The following COL4A4 variants were observed in gnomAD, a reference collection of about 807,000 sequenced individuals.
COL4A4 encodes collagen alpha-4(IV) chain.
COL4A4 carries 105 observed loss-of-function variants against 192.9 expected under a neutral mutation model. The ratio of observed to expected loss-of-function variants is 0.54; its 90% CI spans 0.46 to 0.64. The LOEUF (loss-of-function observed/expected upper bound fraction) is 0.64, where lower values mean the gene tolerates loss of function less well. COL4A4 is among the 30% of genes least tolerant of loss of function. The pLI is 0.00. For synonymous variants in COL4A4, 762 were observed against 769.9 expected (o/e 0.99, Z 0.17); for missense variants, 1,967 against 2,169.3 (o/e 0.91, Z 1.85).
At chr2:227,114,559 G>T (rs770759060) in intron 8 of COL4A4, 69 bp downstream of exon 8, 2 of 1,195,802 alleles carry the variant, frequency 1.7e-6, no homozygotes, top group South Asian at 1.2e-5. Flanking sequence ...TCCTGTCTGA[G>T]TATTTCCTGC....
At chr2:227,115,456 T>C (rs187211599) in intron 7 of COL4A4, among the ~76,000 whole-genome samples, 5,169 of 151,778 alleles carry the variant, frequency 0.034, 286 homozygotes, top group African/African-American at 0.12. Context: ...TATTTTTTAG[T>C]AGAGACGGGG....
At chr2:227,109,904 C>T (rs2061096891) in intron 9 of COL4A4, among the ~76,000 whole-genome samples, 1 of 152,138 alleles carries the variant, frequency 6.6e-6, no homozygotes, top group Non-Finnish European at 1.5e-5. Flanking sequence ...TGCATTACTA[C>T]CTACTCCTAA....
intron 2 of COL4A4, among the ~76,000 whole-genome samples, chr2:227,147,140 T>C (rs576079541): frequency 6.6e-6 from 1 of 152,320 alleles, no homozygotes; most frequent in South Asian, 2.1e-4. Flanking sequence ...ATATGTCTTT[T>C]GCTATTCAAA....
rs1328089313 is a variant in COL4A4, at chr2:227,120,997, C to T, written c.327+17G>A. On this transcript the variant is annotated intron_variant, in intron 5 of 47. Coordinates refer to ENST00000396625, the MANE Select transcript of COL4A4 (RefSeq NM_000092.5). ...GGTGAGTCTTTCATGTGAATCTCCA[C>T]ATAAGATGTGGCTTACCTTATCTCC... is the stretch of plus-strand genomic sequence containing the variant. The T allele has an allele frequency of 6.2e-7, 1 of 1,613,920 alleles. No homozygotes were observed.
intron 17 of COL4A4, 51 bp from the exon 18 acceptor site, chr2:227,099,740 G>T (rs1296082944): frequency 2.7e-6 from 4 of 1,509,088 alleles, no homozygotes; most frequent in Non-Finnish European, 3.7e-6. Flanking sequence ...TTTTACTCAT[G>T]TTGCCTGGCA....
intron 1 of COL4A4, among the ~76,000 whole-genome samples, chr2:227,159,759 T>G (rs568137779): frequency 6.6e-6 from 1 of 152,198 alleles, no homozygotes; most frequent in Non-Finnish European, 1.5e-5. Flanking sequence ...ACCATGATTG[T>G]AAGTTTCCTG....
chr2:227,012,304 A>T lies in COL4A4; in HGVS notation c.4217-7T>A, dbSNP rs1275450735. 1 of 1,611,436 alleles carries T rather than the reference A, an allele frequency of 6.2e-7. No homozygotes were observed. The highest frequency in any genetic ancestry group is 2.2e-5 in the East Asian group (1 of 44,858). Reference sequence around the variant, plus strand: ...CCAGGCTCTCCTTTGCACCCTGCACAAAAGTTTATGATGCTGGTGGTGAAA... The same window carrying T: ...CCAGGCTCTCCTTTGCACCCTGCACTAAAGTTTATGATGCTGGTGGTGAAA... On this transcript the variant is annotated splice_region_variant and splice_polypyrimidine_tract_variant and intron_variant, in intron 44 of 47. Transcript: ENST00000396625.
chr2:227,030,343 T>A (rs1361132709), intron 41 of COL4A4, 100 bp downstream of exon 41: 14 of 1,332,080 alleles, frequency 1.1e-5, no homozygotes, highest in Non-Finnish European at 1.4e-5. Flanking sequence ...GTAGTCACTT[T>A]GTTTGCATAG....
rs776549850 is a variant in COL4A4 at position 227,051,154 on chromosome 2, A to G, written c.2973T>C (p.Asp991=). The change falls in exon 33 of 48, where the codon GAT becomes GAC. Residue 991 remains aspartate, a synonymous_variant. Transcript: ENST00000396625. ...GDDGFPGERG[D]KGTPGMQGRR... Reference sequence around the variant, plus strand: ...TCCCTTGCATCCCGGGAGTTCCTTTATCACCTGATGAAGTTGGAAGTGTTA... The same window carrying G: ...TCCCTTGCATCCCGGGAGTTCCTTTGTCACCTGATGAAGTTGGAAGTGTTA... 1 of 1,614,018 alleles carries G rather than the reference A, an allele frequency of 6.2e-7. No individual in the cohort carries two copies. Among genetic ancestry groups the G allele is most frequent in the Non-Finnish European group, 8.5e-7 (1 of 1,179,964 alleles).
At chr2:227,055,348 TAA>T (rs111421254) in intron 30 of COL4A4, among the ~76,000 whole-genome samples, 1 of 139,658 alleles carries the variant, frequency 7.2e-6, no homozygotes. Context: ...TCCTGTCTCC[TAA>T]AAAAAAAAAA....
the COL4A4 span, among the ~76,000 whole-genome samples, chr2:226,967,382 CTTTAT>C: frequency 1.3e-5 from 2 of 151,398 alleles, no homozygotes; most frequent in Non-Finnish European, 2.9e-5. Context: ...TTCTTTTTTT[CTTTAT>C]TTTATTATTA....
rs1218247424 is a variant in COL4A4, at chr2:227,007,399, G to A, written c.4999C>T (p.Pro1667Ser). Reference sequence around the variant, plus strand: ...GCCTGGCTTTCTTTTAAGGTGTCTGGTGCTGGAGCAGAGGAAAACTGCAAG... The same window carrying A: ...GCCTGGCTTTCTTTTAAGGTGTCTGATGCTGGAGCAGAGGAAAACTGCAAG... ...ADLQFSSAPA[P>S]DTLKESQAQR... Residue 1667 changes from proline (P) to serine (S), a missense_variant, in exon 48 of 48, where the codon CCA becomes TCA. Coordinates refer to ENST00000396625, the MANE Select transcript of COL4A4 (RefSeq NM_000092.5). 3 of 1,614,206 alleles carry A rather than the reference G, an allele frequency of 1.9e-6. No homozygotes were observed. Among genetic ancestry groups the A allele is most frequent in the Non-Finnish European group, 2.5e-6 (3 of 1,180,036 alleles).
At chr2:227,025,354 A>G (rs1966788638) in intron 43 of COL4A4, among the ~76,000 whole-genome samples, 1 of 152,246 alleles carries the variant, frequency 6.6e-6, no homozygotes, top group South Asian at 2.1e-4. Context: ...CTCCTTGAAA[A>G]TGGACTTGAG....
chr2:227,154,693 C>T (rs1048398993), intron 1 of COL4A4, among the ~76,000 whole-genome samples: 3 of 152,210 alleles, frequency 2.0e-5, no homozygotes, highest in African/African-American at 4.8e-5. Context: ...ATACATTTCT[C>T]TTTCTAAAAC....
intron 7 of COL4A4, among the ~76,000 whole-genome samples, chr2:227,115,924 A>G (rs2124951015): frequency 6.6e-6 from 1 of 152,338 alleles, no homozygotes; most frequent in South Asian, 2.1e-4. Context: ...CTTCATTGCT[A>G]TCCTCTCAGC....
Position 227,007,128 on chromosome 2 carries a change from G to T in COL4A4, c.*197C>A. 1 of 741,312 alleles carries T rather than the reference G, an allele frequency of 1.3e-6. No homozygotes were observed. The highest frequency in any genetic ancestry group is 1.6e-5 in the South Asian group (1 of 60,928). 45.9% of individuals were successfully genotyped at this position (741,312 alleles called of 1,614,324 possible). Reference sequence around the variant, plus strand: ...GTATCTAGGCTCCCTAGATTGGGAGGTCCAAACAAATCCATCTGTGCAGCA... The same window carrying T: ...GTATCTAGGCTCCCTAGATTGGGAGTTCCAAACAAATCCATCTGTGCAGCA... On this transcript the variant is annotated 3_prime_UTR_variant, in exon 48 of 48. Coordinates refer to ENST00000396625, the MANE Select transcript of COL4A4 (RefSeq NM_000092.5).
intron 20 of COL4A4, among the ~76,000 whole-genome samples, chr2:227,091,578 C>T (rs1011951287): frequency 1.3e-4 from 20 of 152,028 alleles, no homozygotes; most frequent in Admixed American, 2.6e-4. Flanking sequence ...CAAAGAAACA[C>T]TTGAAGAAAA....
chr2:227,050,746 T>C (rs1973911105), intron 33 of COL4A4, among the ~76,000 whole-genome samples: 1 of 152,182 alleles, frequency 6.6e-6, no homozygotes. Context: ...GGCTGGGAGA[T>C]AGCGATTATA....
intron 36 of COL4A4, among the ~76,000 whole-genome samples, chr2:227,042,683 G>A (rs975097218): frequency 2.6e-5 from 4 of 152,184 alleles, no homozygotes; most frequent in African/African-American, 7.2e-5. Flanking sequence ...CACTTTGGGA[G>A]GCTGAGACAG....
Sources: allele counts gnomAD v4.1 joint callset (sites outside exome capture counted in the v4.1 genomes callset), GRCh38; gene constraint gnomAD v4.1.1; transcripts MANE v1.5; gene names NCBI Gene and HGNC (gene_info 2026-07-23, HGNC 2026-07-21).